Variants in RUNX2 observed in about 807,000 individuals in gnomAD.
RUNX2 encodes the protein RUNX family transcription factor 2.
Under a neutral mutation model 51.7 loss-of-function variants are expected in RUNX2, and 10 were observed. The observed-to-expected ratio is 0.19, with a 90% CI of 0.12 to 0.33. The LOEUF (loss-of-function observed/expected upper bound fraction) is 0.33, where lower values mean the gene tolerates loss of function less well. Ranked by LOEUF, RUNX2 falls within the 10% of genes least tolerant of loss-of-function variation. The pLI is 1.00. For missense variants in RUNX2, 562 were observed against 691.3 expected (o/e 0.81, Z 2.10); for synonymous variants, 276 against 273.6 (o/e 1.01, Z -0.09).
At position 45,403,129 on chromosome 6, in the gene RUNX2, T is replaced by C. The variant is rs137871184; in HGVS notation, c.59-19464T>C. Among the ~76,000 whole-genome samples the C allele has an allele frequency of 6.6e-5, 10 of 151,632 alleles. No homozygotes were observed. The East Asian group carries it at 1.9e-3, about 29-fold the overall frequency. On this transcript the variant is annotated intron_variant, in intron 2 of 8. Transcript: ENST00000647337. ...TCCAAGTTCATTACATTAAGTTTGTTATTGACACAAAAAATAGGATTTAAG... is the reference window on the plus strand; with the variant it reads ...TCCAAGTTCATTACATTAAGTTTGTCATTGACACAAAAAATAGGATTTAAG...
chr6:45,543,602 T>C (rs1479257840), intron 7 of RUNX2, among the ~76,000 whole-genome samples: 1 of 152,210 alleles, frequency 6.6e-6, no homozygotes, highest in East Asian at 1.9e-4. Flanking sequence ...CTTCATAATA[T>C]GGACTCTTAA....
intron 7 of RUNX2, 107 bp from the exon 8 acceptor site, chr6:45,545,110 G>A: frequency 2.2e-6 from 2 of 912,078 alleles, no homozygotes; most frequent in Non-Finnish European, 3.5e-6. Context: ...GAACCTCTCT[G>A]TCTACCCCTC....
At chr6:45,422,126 G>C (rs1298070633) in intron 2 of RUNX2, 1 of 150,674 alleles carries the variant, frequency 6.6e-6, no homozygotes, top group Non-Finnish European at 1.5e-5. Flanking sequence ...GGCAGCGCGC[G>C]GCAATGCCGG....
At chr6:45,524,664 C>G (rs1011759889) in intron 7 of RUNX2, among the ~76,000 whole-genome samples, 1 of 152,106 alleles carries the variant, frequency 6.6e-6, no homozygotes, top group African/African-American at 2.4e-5. Flanking sequence ...TAAGAAGAAC[C>G]TTTTCTAAAT....
intron 5 of RUNX2, among the ~76,000 whole-genome samples, chr6:45,491,260 G>A (rs1800457238): frequency 6.6e-6 from 1 of 152,092 alleles, no homozygotes; most frequent in Non-Finnish European, 1.5e-5. Flanking sequence ...AAATAAAAAA[G>A]CATTCTCTCT....
At chr6:45,344,654 A>G (rs1244665462) in intron 2 of RUNX2, among the ~76,000 whole-genome samples, 1 of 152,156 alleles carries the variant, frequency 6.6e-6, no homozygotes, top group Non-Finnish European at 1.5e-5. Flanking sequence ...GGAATGTCAA[A>G]AGCATGTTAA....
intron 6 of RUNX2, among the ~76,000 whole-genome samples, chr6:45,503,514 AC>A (rs1468141413): frequency 2.0e-5 from 3 of 151,886 alleles, no homozygotes; most frequent in African/African-American, 7.3e-5. Context: ...AATTTACCAC[AC>A]CCAGTTCAAT....
intron 5 of RUNX2, among the ~76,000 whole-genome samples, chr6:45,460,463 A>C (rs1056811444): frequency 1.1e-4 from 16 of 152,132 alleles, no homozygotes; most frequent in East Asian, 3.8e-4. Context: ...AATTAAGAGA[A>C]ATGGAGGCTA....
At chr6:45,517,432 T>A (rs1801365036) in intron 7 of RUNX2, among the ~76,000 whole-genome samples, 1 of 152,132 alleles carries the variant, frequency 6.6e-6, no homozygotes, top group South Asian at 2.1e-4. Flanking sequence ...TGCCTTGGCC[T>A]CCCAAAGTGC....
intron 2 of RUNX2, among the ~76,000 whole-genome samples, chr6:45,353,882 G>A (rs1581831487): frequency 6.6e-6 from 1 of 151,196 alleles, no homozygotes; most frequent in African/African-American, 2.4e-5. Context: ...CCAAAGGTCA[G>A]TGCCTTTAGT....
chr6:45,535,653 C>A (rs1030923099), intron 7 of RUNX2, among the ~76,000 whole-genome samples: 3 of 151,520 alleles, frequency 2.0e-5, no homozygotes, highest in African/African-American at 7.3e-5. Flanking sequence ...GAACTAATTG[C>A]CTGCAGAGAG....
intron 7 of RUNX2, among the ~76,000 whole-genome samples, chr6:45,529,607 A>G (rs897391770): frequency 6.6e-6 from 1 of 152,108 alleles, no homozygotes; most frequent in Admixed American, 6.5e-5. Flanking sequence ...ACAATCTGTG[A>G]GTTAGGCTTA....
intron 5 of RUNX2, among the ~76,000 whole-genome samples, chr6:45,455,284 G>C (rs1457311790): frequency 6.6e-6 from 1 of 152,140 alleles, no homozygotes; most frequent in Non-Finnish European, 1.5e-5. Context: ...AGTAACTGTA[G>C]AAATTCAGGG....
chr6:45,477,624 T>C (rs1294749236), intron 5 of RUNX2, among the ~76,000 whole-genome samples: 1 of 152,230 alleles, frequency 6.6e-6, no homozygotes, highest in Non-Finnish European at 1.5e-5. Flanking sequence ...TACTGTTGTC[T>C]GTACCTCTAT....
In RUNX2 at chr6:45,345,715, G is replaced by A. The variant is rs549933649; in HGVS notation, c.58+16931G>A. On this transcript the variant is annotated intron_variant, in intron 2 of 8. Transcript: ENST00000647337. ...CCACAGCCAACTCATTTTACATGAT[G>A]CATTATCAATTCTTCTTAATGAGTA... is the stretch of plus-strand genomic sequence containing the variant. Among the ~76,000 whole-genome samples the A allele has an allele frequency of 8.5e-5, 13 of 152,222 alleles. No individual in the cohort carries two copies. In the East Asian group the frequency reaches 1.5e-3, roughly 18 times the overall value.
intron 2 of RUNX2, among the ~76,000 whole-genome samples, chr6:45,410,949 G>A (rs1797937462): frequency 6.6e-6 from 1 of 152,174 alleles, no homozygotes; most frequent in Non-Finnish European, 1.5e-5. Flanking sequence ...AGGCTTCCCA[G>A]TGCACTTCCC....
chr6:45,368,688 G>C (rs1038820557), intron 2 of RUNX2, among the ~76,000 whole-genome samples: 5 of 152,092 alleles, frequency 3.3e-5, no homozygotes, highest in Admixed American at 6.6e-5. Context: ...CTAAAAGAGA[G>C]AAGTTTTAAT....
At chr6:45,534,642 C>T (rs879465185) in intron 7 of RUNX2, among the ~76,000 whole-genome samples, 5 of 152,108 alleles carry the variant, frequency 3.3e-5, no homozygotes, top group East Asian at 1.9e-4. Context: ...GCTGTGGCTC[C>T]GCAACTAACC....
intron 2 of RUNX2, among the ~76,000 whole-genome samples, chr6:45,402,317 A>G (rs1287281644): frequency 2.6e-5 from 4 of 152,256 alleles, no homozygotes; most frequent in Admixed American, 2.0e-4. Flanking sequence ...ATCATATACC[A>G]TAAGTAGCAT....
Sources: allele counts gnomAD v4.1 joint callset (sites outside exome capture counted in the v4.1 genomes callset), GRCh38; gene constraint gnomAD v4.1.1; transcripts MANE v1.5; gene names NCBI Gene and HGNC (gene_info 2026-07-23, HGNC 2026-07-21).